UNC13C: variants seen among roughly 807,000 people sequenced by gnomAD.
The protein encoded by UNC13C is protein unc-13 homolog C.
UNC13C carries 174 observed loss-of-function variants against 245.4 expected under a neutral mutation model. The ratio of observed to expected loss-of-function variants is 0.71; its 90% CI spans 0.63 to 0.80. UNC13C has a LOEUF of 0.80. Ranked by LOEUF, UNC13C falls within the 30% of genes least tolerant of loss-of-function variation. UNC13C has a pLI of 0.00. For synonymous variants in UNC13C, 992 were observed against 895.1 expected (o/e 1.11, Z -1.93); for missense variants, 2,829 against 2,602.9 (o/e 1.09, Z -1.89).
intron 4 of UNC13C, among the ~76,000 whole-genome samples, chr15:54,169,859 A>AAC (rs2033322115): frequency 1.3e-5 from 2 of 152,130 alleles, no homozygotes; most frequent in South Asian, 4.1e-4. Flanking sequence ...TCTGTCTCAG[A>AAC]GCAGCTGGTT....
intron 4 of UNC13C, among the ~76,000 whole-genome samples, chr15:54,232,546 G>A (rs2035581901): frequency 6.6e-6 from 1 of 152,034 alleles, no homozygotes; most frequent in African/African-American, 2.4e-5. Flanking sequence ...TCATGGAAAG[G>A]AAACCATAAA....
intron 30 of UNC13C, among the ~76,000 whole-genome samples, chr15:54,616,245 T>G (rs1295001932): frequency 6.6e-6 from 1 of 152,010 alleles, no homozygotes; most frequent in Non-Finnish European, 1.5e-5. Context: ...CAGAAAGCCA[T>G]GAAAATAGGG....
At chr15:54,060,862 A>G (rs1455457901) in intron 2 of UNC13C, among the ~76,000 whole-genome samples, 8 of 151,902 alleles carry the variant, frequency 5.3e-5, no homozygotes, top group South Asian at 2.1e-4. Flanking sequence ...GCAAACTATC[A>G]CAAGGACAAA....
chr15:54,594,933 G>A (rs759934808), intron 30 of UNC13C, among the ~76,000 whole-genome samples: 85 of 152,344 alleles, frequency 5.6e-4, no homozygotes, highest in Non-Finnish European at 9.0e-4. Context: ...ACGGCCCAGA[G>A]CTCTTGGGCT....
chr15:54,059,270 AG>A (rs1897691274), intron 2 of UNC13C, among the ~76,000 whole-genome samples: 1 of 152,206 alleles, frequency 6.6e-6, no homozygotes, highest in South Asian at 2.1e-4. Flanking sequence ...GCAAAGCCTC[AG>A]GATACAAAAT....
intron 17 of UNC13C, among the ~76,000 whole-genome samples, chr15:54,383,128 T>G (rs1470483129): frequency 6.6e-6 from 1 of 152,128 alleles, no homozygotes; most frequent in Non-Finnish European, 1.5e-5. Flanking sequence ...TAAAGAAGAA[T>G]GAATACCACT....
intron 15 of UNC13C, among the ~76,000 whole-genome samples, chr15:54,332,384 C>T (rs980826383): frequency 1.1e-4 from 16 of 149,772 alleles, no homozygotes; most frequent in African/African-American, 4.0e-4. Context: ...TTAAAATAGC[C>T]ATCAGATTCA....
intron 17 of UNC13C, among the ~76,000 whole-genome samples, chr15:54,358,125 C>T (rs1359394522): frequency 6.6e-6 from 1 of 151,984 alleles, no homozygotes; most frequent in African/African-American, 2.4e-5. Flanking sequence ...AATGAGTTGG[C>T]TGTAAGTGTG....
At chr15:54,410,614 G>A (rs2221841) in intron 18 of UNC13C, among the ~76,000 whole-genome samples, 78,111 of 151,784 alleles carry the variant, frequency 0.51, 20,290 homozygotes, top group East Asian at 0.65. Context: ...TTATTAAATG[G>A]GGAGTCGTTT....
intron 2 of UNC13C, among the ~76,000 whole-genome samples, chr15:54,074,904 A>G (rs925261656): frequency 1.8e-5 from 2 of 113,410 alleles, no homozygotes; most frequent in African/African-American, 5.2e-5. Context: ...CAGAACTTCC[A>G]ATACTATGTT....
intron 19 of UNC13C, among the ~76,000 whole-genome samples, chr15:54,438,593 T>C (rs1259150547): frequency 3.3e-5 from 5 of 152,012 alleles, no homozygotes; most frequent in African/African-American, 1.2e-4. Flanking sequence ...GTTTATGTTC[T>C]TGCCATCAAG....
At chr15:54,330,844 C>A (rs771777186) in intron 14 of UNC13C, among the ~76,000 whole-genome samples, 1 of 151,974 alleles carries the variant, frequency 6.6e-6, no homozygotes, top group Admixed American at 6.6e-5. Context: ...AGGGTCTTAA[C>A]CTGCCTAAGA....
chr15:54,147,806 G>GTGTGTGTGTGTGTGTGTA (rs1453477687), intron 4 of UNC13C, among the ~76,000 whole-genome samples: 14 of 151,916 alleles, frequency 9.2e-5, no homozygotes, highest in East Asian at 3.9e-4. Flanking sequence ...GTGTGTGTGT[G>GTGTGTGTGTGTGTGTGTA]TGTGTATGTG....
intron 2 of UNC13C, among the ~76,000 whole-genome samples, chr15:54,120,978 C>G (rs1375881834): frequency 1.3e-5 from 2 of 152,096 alleles, no homozygotes; most frequent in Non-Finnish European, 2.9e-5. Context: ...GCATCTACTC[C>G]TGGTGAAGAT....
chr15:54,103,733 T>C (rs914665174), intron 2 of UNC13C, among the ~76,000 whole-genome samples: 1 of 152,042 alleles, frequency 6.6e-6, no homozygotes, highest in Non-Finnish European at 1.5e-5. Flanking sequence ...AACACATAGA[T>C]CTTTTTATTT....
chr15:54,617,734 T>A (rs1375048326), intron 30 of UNC13C, among the ~76,000 whole-genome samples: 1 of 152,086 alleles, frequency 6.6e-6, no homozygotes, highest in Non-Finnish European at 1.5e-5. Context: ...CATTGTCCAT[T>A]TATTCATCAT....
chr15:54,153,665 C>G (rs890891737), intron 4 of UNC13C, among the ~76,000 whole-genome samples: 1 of 151,996 alleles, frequency 6.6e-6, no homozygotes, highest in East Asian at 1.9e-4. Context: ...TTAAATTTAA[C>G]ATTACATTAT....
chr15:54,214,702 A>T (rs1040565098), intron 4 of UNC13C, among the ~76,000 whole-genome samples: 1 of 150,046 alleles, frequency 6.7e-6, no homozygotes, highest in Non-Finnish European at 1.5e-5. Flanking sequence ...ATGACTTTAA[A>T]GTAAGCTATT....
At chr15:54,326,377 T>C (rs985582145) in intron 14 of UNC13C, among the ~76,000 whole-genome samples, 1 of 152,120 alleles carries the variant, frequency 6.6e-6, no homozygotes, top group African/African-American at 2.4e-5. Context: ...TGTCATTTGC[T>C]GTTGGGCACT....
Sources: allele counts gnomAD v4.1 joint callset (sites outside exome capture counted in the v4.1 genomes callset), GRCh38; gene constraint gnomAD v4.1.1; transcripts MANE v1.5; gene names NCBI Gene and HGNC (gene_info 2026-07-23, HGNC 2026-07-21).